HEPHL1: variants seen among roughly 807,000 people sequenced by gnomAD.
HEPHL1 encodes the protein hephaestin like 1, also known as ferroxidase HEPHL1.
HEPHL1 carries 123 observed loss-of-function variants against 122.0 expected under a neutral mutation model. The ratio of observed to expected loss-of-function variants is 1.01; its 90% confidence interval spans 0.87 to 1.17. The LOEUF (loss-of-function observed/expected upper bound fraction) is 1.17. Among genes scored for constraint, HEPHL1 ranks in the 50% most tolerant of loss-of-function variants. The pLI, the probability that HEPHL1 is intolerant of heterozygous loss-of-function variation, is 0.00. For synonymous variants in HEPHL1, 527 were observed against 508.9 expected, an observed-to-expected ratio of 1.04 and a Z score of -0.48; for missense variants, 1,452 against 1,430.5, an observed-to-expected ratio of 1.01 and a Z score of -0.24.
intron 8 of HEPHL1, among the ~76,000 whole-genome samples, chr11:94,074,533 C>G (rs563936148): frequency 1.4e-4 from 21 of 152,168 alleles, no homozygotes; most frequent in East Asian, 1.2e-3. Context: ...TACTGGGCAC[C>G]TTTTTGCAGA....
Position 94,079,684 on chromosome 11 carries a change from A to T in HEPHL1, c.1717-2734A>T, listed in dbSNP as rs560440910. ...ACAGCAAGTGCAGAGGGTGACAAGG[A>T]GCTTGGCCTTGCTTCAAAGTGCCAG... On this transcript the variant is annotated intron_variant, in intron 9 of 19. Coordinates refer to ENST00000315765, the MANE Select transcript of HEPHL1 (RefSeq NM_001098672.2). 6.6e-5 allele frequency among the ~76,000 whole-genome samples: 10 copies of T among 152,314 alleles called. No homozygotes were observed. In the East Asian group the frequency reaches 1.9e-3, roughly 29 times the overall value.
intron 4 of HEPHL1, 33 bp from the exon 5 acceptor site, chr11:94,067,463 G>C (rs778859532): frequency 6.2e-7 from 1 of 1,605,696 alleles, no homozygotes; most frequent in Non-Finnish European, 8.5e-7. Flanking sequence ...CTCTGCAGGG[G>C]AGTCTCTTCC....
In HEPHL1 at chr11:94,048,088, T is replaced by C. The variant is rs188987645; in HGVS notation, c.415+2171T>C. Among the ~76,000 whole-genome samples, 70 of 152,352 alleles carry C rather than the reference T, an allele frequency of 4.6e-4. 1 individual carries two copies. The East Asian group carries it at 9.6e-3, about 21-fold the overall frequency. ...ATTCTATTTTCTATGTCTATGAATG[T>C]GCCTTTTGTGTCTGGCTTATTTCAC... On this transcript the variant is annotated intron_variant, in intron 2 of 19. Coordinates refer to ENST00000315765, the MANE Select transcript of HEPHL1 (RefSeq NM_001098672.2).
intron 2 of HEPHL1, among the ~76,000 whole-genome samples, chr11:94,051,130 CT>C (rs1945886803): frequency 6.6e-6 from 1 of 151,996 alleles, no homozygotes; most frequent in African/African-American, 2.4e-5. Context: ...ATCTGATTTC[CT>C]TTTTGGGGGG....
At chr11:94,077,388 T>C (rs1946134826) in intron 9 of HEPHL1, among the ~76,000 whole-genome samples, 1 of 152,182 alleles carries the variant, frequency 6.6e-6, no homozygotes, top group Non-Finnish European at 1.5e-5. Context: ...TTTTTTTTAT[T>C]TTTAATTTTT....
intron 17 of HEPHL1, among the ~76,000 whole-genome samples, chr11:94,108,959 A>G (rs73554826): frequency 0.025 from 3,730 of 152,208 alleles, 111 homozygotes; most frequent in East Asian, 0.07. Flanking sequence ...GGTTGGACAG[A>G]ACTGACATAA....
At chr11:94,061,659 T>C (rs541070326) in intron 2 of HEPHL1, among the ~76,000 whole-genome samples, 6 of 152,314 alleles carry the variant, frequency 3.9e-5, no homozygotes, top group African/African-American at 1.4e-4. Context: ...GGCAAATACA[T>C]TAATTTAACT....
chr11:94,044,958 C>A (rs1945820492), intron 1 of HEPHL1, among the ~76,000 whole-genome samples: 2 of 151,992 alleles, frequency 1.3e-5, no homozygotes, highest in Non-Finnish European at 2.9e-5. Context: ...ATCTGTCACC[C>A]AGGCTGGCAT....
At chr11:94,092,924 C>T (rs76826366) in intron 12 of HEPHL1, among the ~76,000 whole-genome samples, 3 of 152,060 alleles carry the variant, frequency 2.0e-5, no homozygotes, top group Non-Finnish European at 4.4e-5. Context: ...CTTTCTAGAA[C>T]ATAACTAGGG....
chr11:94,051,592 C>T (rs1380808928), intron 2 of HEPHL1, among the ~76,000 whole-genome samples: 1 of 152,076 alleles, frequency 6.6e-6, no homozygotes, highest in Admixed American at 6.5e-5. Context: ...TATGGATTGT[C>T]TCTTCACTTT....
chr11:94,097,907 G>T (rs571116174), intron 13 of HEPHL1, among the ~76,000 whole-genome samples: 4 of 152,230 alleles, frequency 2.6e-5, no homozygotes, highest in African/African-American at 9.6e-5. Context: ...GCCTGTGTGT[G>T]TCTCTGCACG....
intron 1 of HEPHL1, among the ~76,000 whole-genome samples, chr11:94,042,946 G>C (rs1272131041): frequency 6.7e-6 from 1 of 149,468 alleles, no homozygotes; most frequent in South Asian, 2.1e-4. Context: ...TACTCTGTTA[G>C]ACATTAATTC....
intron 2 of HEPHL1, among the ~76,000 whole-genome samples, chr11:94,047,440 A>C (rs1945850283): frequency 6.6e-6 from 1 of 152,114 alleles, no homozygotes; most frequent in South Asian, 2.1e-4. Flanking sequence ...GCTCCCACTT[A>C]TAAGTGAGAA....
intron 1 of HEPHL1, among the ~76,000 whole-genome samples, chr11:94,030,627 A>G (rs1945666099): frequency 6.6e-6 from 1 of 152,212 alleles, no homozygotes; most frequent in African/African-American, 2.4e-5. Context: ...GAGAAGTATC[A>G]TTGAGTGACT....
intron 1 of HEPHL1, among the ~76,000 whole-genome samples, chr11:94,035,987 C>T (rs374455979): frequency 5.9e-5 from 9 of 152,182 alleles, no homozygotes; most frequent in African/African-American, 1.4e-4. Flanking sequence ...CCGCCCGCCT[C>T]GGCCTCCCAA....
At chr11:94,022,632 C>G (rs1364659713) in intron 1 of HEPHL1, among the ~76,000 whole-genome samples, 1 of 152,236 alleles carries the variant, frequency 6.6e-6, no homozygotes, top group Non-Finnish European at 1.5e-5. Context: ...GCCAGACAAG[C>G]TGCCAAGGCA....
At chr11:94,092,146 CTGAGA>C (rs1304269081) in intron 12 of HEPHL1, among the ~76,000 whole-genome samples, 1 of 152,108 alleles carries the variant, frequency 6.6e-6, no homozygotes, top group Non-Finnish European at 1.5e-5. Flanking sequence ...TTACAAGTGG[CTGAGA>C]TAAGAATGAA....
intron 17 of HEPHL1, among the ~76,000 whole-genome samples, chr11:94,107,854 GCA>G (rs869102511): frequency 1.2e-5 from 1 of 81,206 alleles, no homozygotes; most frequent in Non-Finnish European, 2.7e-5. Context: ...AAACATTTGT[GCA>G]CATGTTTTTG....
chr11:94,072,115 C>T (rs1200849162), intron 6 of HEPHL1, among the ~76,000 whole-genome samples: 1 of 152,044 alleles, frequency 6.6e-6, no homozygotes, highest in African/African-American at 2.4e-5. Flanking sequence ...AAAAAATAAG[C>T]ACAGTCTTGG....
Sources: gnomAD v4.1 joint callset for allele counts (sites outside exome capture counted in the v4.1 genomes callset) on GRCh38, gnomAD v4.1.1 for gene constraint, MANE v1.5 for transcripts, NCBI Gene and HGNC (gene_info 2026-07-23, HGNC 2026-07-21) for gene names.